GALNT11: variants seen among roughly 807,000 people sequenced by gnomAD.
GALNT11 encodes UDP-GalNAc:polypeptide N-acetylgalactosaminyltransferase 11.
Under a neutral mutation model 72.7 loss-of-function variants are expected in GALNT11, and 47 were observed. That is an observed-to-expected ratio of 0.65 (90% CI 0.51 to 0.82). The LOEUF is 0.82. GALNT11 is among the 40% of genes least tolerant of loss of function. The pLI, the probability that GALNT11 is intolerant of heterozygous loss-of-function variation, is 0.00. For missense variants in GALNT11, 677 were observed against 778.4 expected (o/e 0.87, Z 1.55); for synonymous variants, 270 against 286.6 (o/e 0.94, Z 0.58).
At chr7:152,093,057 C>T (rs1282679098) in intron 1 of GALNT11, among the ~76,000 whole-genome samples, 1 of 151,996 alleles carries the variant, frequency 6.6e-6, no homozygotes, top group Admixed American at 6.6e-5. Context: ...GGTGAAACCC[C>T]ATCTCTACTA....
At chr7:152,026,417 C>T (rs1368839825) in intron 1 of GALNT11, among the ~76,000 whole-genome samples, 5 of 152,220 alleles carry the variant, frequency 3.3e-5, no homozygotes, top group African/African-American at 1.2e-4. Flanking sequence ...CACACAGCTC[C>T]CTCACCCTTT....
intron 3 of GALNT11, among the ~76,000 whole-genome samples, chr7:152,102,849 C>T (rs563825745): frequency 1.8e-4 from 27 of 151,792 alleles, no homozygotes; most frequent in South Asian, 2.1e-4. Context: ...GATGTGGTGT[C>T]GCATGCCTGT....
At chr7:152,117,903 G>A (rs1587499294) in intron 9 of GALNT11, 1 of 154,248 alleles carries the variant, frequency 6.5e-6, no homozygotes, top group East Asian at 1.9e-4. Flanking sequence ...CAGTTATATA[G>A]TCACAGTTAA....
chr7:152,035,433 T>C (rs2082521397), intron 1 of GALNT11, among the ~76,000 whole-genome samples: 1 of 152,058 alleles, frequency 6.6e-6, no homozygotes, highest in South Asian at 2.1e-4. Context: ...AGGGTCAGGA[T>C]AGGTAGGATA....
chr7:152,098,353 AG>A (rs1349540695), intron 2 of GALNT11, among the ~76,000 whole-genome samples: 2 of 152,026 alleles, frequency 1.3e-5, no homozygotes, highest in Non-Finnish European at 2.9e-5. Context: ...TGGGCCCAGG[AG>A]GCAGAGGCTA....
chr7:152,101,898 C>T (rs918945309), intron 3 of GALNT11, among the ~76,000 whole-genome samples: 2 of 152,106 alleles, frequency 1.3e-5, no homozygotes, highest in African/African-American at 4.8e-5. Context: ...TCCCAAAGTG[C>T]AGGGATTACA....
intron 1 of GALNT11, among the ~76,000 whole-genome samples, chr7:152,048,842 G>A (rs1048860448): frequency 5.9e-5 from 9 of 151,434 alleles, no homozygotes; most frequent in Non-Finnish European, 1.2e-4. Flanking sequence ...TTCTGACTCT[G>A]TATGTTCAAA....
chr7:152,104,330 ATGCACTC>A (rs2087291134), intron 4 of GALNT11: 1 of 152,222 alleles, frequency 6.6e-6, no homozygotes, highest in African/African-American at 2.4e-5. Flanking sequence ...TGACTTTTTC[ATGCACTC>A]GAGCGTTTAT....
intron 1 of GALNT11, among the ~76,000 whole-genome samples, chr7:152,031,290 T>TA (rs1294355619): frequency 6.6e-6 from 1 of 152,222 alleles, no homozygotes; most frequent in East Asian, 1.9e-4. Context: ...TAAGGGGACT[T>TA]ATAAGAGGTC....
intron 1 of GALNT11, among the ~76,000 whole-genome samples, chr7:152,060,030 A>C (rs1432236060): frequency 6.6e-6 from 1 of 152,244 alleles, no homozygotes; most frequent in East Asian, 1.9e-4. Flanking sequence ...CATCCTCATC[A>C]GTGATCTTAG....
intron 1 of GALNT11, among the ~76,000 whole-genome samples, chr7:152,050,234 A>G (rs1372272488): frequency 6.6e-6 from 1 of 152,082 alleles, no homozygotes; most frequent in Non-Finnish European, 1.5e-5. Flanking sequence ...TGAAGCCAGC[A>G]CGTCTCTGAG....
chr7:152,058,542 G>T (rs902870352), intron 1 of GALNT11, among the ~76,000 whole-genome samples: 1 of 152,056 alleles, frequency 6.6e-6, no homozygotes, highest in African/African-American at 2.4e-5. Flanking sequence ...CACCATGTTG[G>T]CCAGGCTGGT....
chr7:152,025,815 G>C lies in GALNT11; in HGVS notation c.-108G>C. ...CGCCGCTCCTGCGGGTCGGACTGGG[G>C]CTGTGGCGGGAGAGAAGATGCCGCA... On this transcript the variant is annotated 5_prime_UTR_variant, in exon 1 of 12. Coordinates refer to ENST00000430044, the MANE Select transcript of GALNT11 (RefSeq NM_022087.4). 3.7e-6 allele frequency: 1 copy of C among 266,980 alleles called. No individual in the cohort carries two copies. The highest frequency in any genetic ancestry group is 3.0e-5 in the South Asian group (1 of 33,014). The allele number at this position is 266,980 out of a possible 1,614,324, so 16.5% of individuals were successfully genotyped here. A position where few individuals can be genotyped will look rare whatever the true frequency, so the allele number is the denominator to read the frequency against.
intron 1 of GALNT11, among the ~76,000 whole-genome samples, chr7:152,031,012 G>A (rs1008623404): frequency 3.9e-5 from 6 of 152,210 alleles, no homozygotes; most frequent in Non-Finnish European, 7.3e-5. Context: ...CCAGAGGTTA[G>A]AAACTCCCTT....
At chr7:152,109,968 G>A (rs138420303) in intron 6 of GALNT11, among the ~76,000 whole-genome samples, 1 of 152,262 alleles carries the variant, frequency 6.6e-6, no homozygotes, top group Non-Finnish European at 1.5e-5. Flanking sequence ...CTTTGTTGTA[G>A]GGGCCCTCTT....
intron 1 of GALNT11, among the ~76,000 whole-genome samples, chr7:152,076,009 C>T (rs2129014904): frequency 7.9e-6 from 1 of 127,176 alleles, no homozygotes; most frequent in East Asian, 2.5e-4. Flanking sequence ...TTGCAGTGAG[C>T]CGAGATCGTG....
chr7:152,090,612 C>T (rs965053100), intron 1 of GALNT11, among the ~76,000 whole-genome samples: 17 of 152,070 alleles, frequency 1.1e-4, no homozygotes, highest in Non-Finnish European at 2.4e-4. Context: ...CCCCACTGGT[C>T]GCACTCCTCA....
At chr7:152,052,003 C>G (rs1193293028) in intron 1 of GALNT11, among the ~76,000 whole-genome samples, 1 of 152,048 alleles carries the variant, frequency 6.6e-6, no homozygotes, top group East Asian at 1.9e-4. Context: ...TTTCATTACC[C>G]CAAACAGAAA....
intron 1 of GALNT11, among the ~76,000 whole-genome samples, chr7:152,085,422 G>A (rs1417848992): frequency 6.6e-6 from 1 of 152,142 alleles, no homozygotes; most frequent in Non-Finnish European, 1.5e-5. Context: ...GAAAGAATTT[G>A]TCACTAGTTG....
Sources: gnomAD v4.1 joint callset for allele counts (sites outside exome capture counted in the v4.1 genomes callset) on GRCh38, gnomAD v4.1.1 for gene constraint, MANE v1.5 for transcripts, NCBI Gene and HGNC (gene_info 2026-07-23, HGNC 2026-07-21) for gene names.